Variants in ANXA2 observed in about 807,000 individuals in gnomAD.
The protein encoded by ANXA2 is annexin A2.
Under a neutral mutation model 47.3 loss-of-function variants are expected in ANXA2, and 28 were observed. The observed-to-expected ratio is 0.59, with a 90% CI of 0.44 to 0.81. The LOEUF is 0.81. ANXA2 is among the 40% of genes least tolerant of loss of function. The probability of loss-of-function intolerance (pLI) is 0.00; values close to 1 mark genes in which losing one functional copy is unlikely to be tolerated. For synonymous variants in ANXA2, 172 were observed against 155.5 expected (o/e 1.11, Z -0.79); for missense variants, 384 against 414.3 (o/e 0.93, Z 0.64).
At position 60,347,688 on chromosome 15, in the gene ANXA2, T is replaced by G; in HGVS notation, c.962A>C (p.Gln321Pro). 1 of 1,614,136 alleles carries G rather than the reference T, an allele frequency of 6.2e-7. No individual in the cohort carries two copies. The highest frequency in any genetic ancestry group is 8.5e-7 in the Non-Finnish European group (1 of 1,179,990). The change falls in exon 13 of 13, where the codon CAA becomes CCA. Residue 321 changes from glutamine to proline, a missense_variant and splice_region_variant. By Grantham distance (76) the Gln-to-Pro change is moderately conservative. Coordinates refer to ENST00000451270, the MANE Select transcript of ANXA2 (RefSeq NM_004039.3). ...TTTCTGGTAGTCGCCCTTAGTGTCT[T>G]GCTACAATGGCCCAGGAAAGAAAAG... Reference protein sequence around the residue: ...YGKSLYYYIQQDTKGDYQKAL... With the variant: ...YGKSLYYYIQPDTKGDYQKAL...
chr15:60,366,664 G>C (rs1314414256), intron 3 of ANXA2, among the ~76,000 whole-genome samples: 1 of 145,194 alleles, frequency 6.9e-6, no homozygotes, highest in Non-Finnish European at 1.5e-5. Context: ...CACCCCGTCC[G>C]GGAGGGAGGT....
intron 3 of ANXA2, among the ~76,000 whole-genome samples, chr15:60,370,443 A>G (rs1038244917): frequency 2.6e-5 from 4 of 152,242 alleles, no homozygotes; most frequent in African/African-American, 9.6e-5. Context: ...AATACCAAAT[A>G]CATGCATCTG....
chr15:60,397,959 G>A lies in ANXA2; in HGVS notation c.-28C>T, dbSNP rs530938351. The A allele has an allele frequency of 1.6e-6, 2 of 1,271,636 alleles. No individual in the cohort carries two copies. Among genetic ancestry groups the A allele is most frequent in the Non-Finnish European group, 2.0e-6 (2 of 1,006,252 alleles). The allele number at this position is 1,271,636 out of a possible 1,614,324, so 78.8% of individuals were successfully genotyped here. On this transcript the variant is annotated 5_prime_UTR_variant, in exon 1 of 13. Transcript: ENST00000451270. ...CCCGCTTACCTGGGCCGTGCGCCGA[G>A]AGCTGAGAGCGTCCCCAAATGCTGA...
intron 3 of ANXA2, among the ~76,000 whole-genome samples, chr15:60,366,393 G>A (rs1436740332): frequency 1.3e-5 from 2 of 150,240 alleles, no homozygotes; most frequent in Admixed American, 6.6e-5. Context: ...TCCCATCTAG[G>A]AAGTGAGGAG....
At chr15:60,367,393 C>CA (rs1555401298) in intron 3 of ANXA2, among the ~76,000 whole-genome samples, 1 of 7,390 alleles carries the variant, frequency 1.4e-4, no homozygotes, top group Non-Finnish European at 2.3e-4. Context: ...GGGAGGGAGG[C>CA]GGGGGGGGGT....
chr15:60,354,619 C>CTAA (rs2062398070), intron 7 of ANXA2, among the ~76,000 whole-genome samples: 1 of 109,294 alleles, frequency 9.1e-6, no homozygotes, highest in African/African-American at 3.7e-5. Context: ...GACTCTGTCT[C>CTAA]AAAAAAAAAA....
chr15:60,365,851 C>CCTCCCT (rs2062588632), intron 3 of ANXA2, among the ~76,000 whole-genome samples: 1 of 77,524 alleles, frequency 1.3e-5, no homozygotes, highest in African/African-American at 6.0e-5. Flanking sequence ...TCCCTCTCCC[C>CCTCCCT]CTCCCCCTCC....
At chr15:60,382,225 T>C (rs1366747152) in intron 3 of ANXA2, 117 bp downstream of exon 3, 1 of 735,256 alleles carries the variant, frequency 1.4e-6, no homozygotes, top group African/African-American at 1.7e-5. Context: ...ATCTACTCCA[T>C]TAAAGCTCGA....
intron 5 of ANXA2, among the ~76,000 whole-genome samples, chr15:60,360,329 C>G (rs1372330515): frequency 6.6e-6 from 1 of 152,166 alleles, no homozygotes; most frequent in Non-Finnish European, 1.5e-5. Context: ...TTCCAATCTA[C>G]AGTTTTTACT....
Position 60,357,771 on chromosome 15 carries a change from A to G in ANXA2, c.358-535T>C, listed in dbSNP as rs187669855. Among the ~76,000 whole-genome samples, 905 of 151,846 alleles carry G rather than the reference A, an allele frequency of 6.0e-3. 3 individuals carry two copies. The highest frequency in any genetic ancestry group is 8.3e-3 in the Non-Finnish European group (566 of 67,934). ...ATCGCGCCACTGCACTCCAGCCTGG[A>G]CGACAGAGTAAGACCCCATCTCAAA... On this transcript the variant is annotated intron_variant, in intron 5 of 12. Transcript: ENST00000451270.
At chr15:60,379,009 G>A (rs1453673572) in intron 3 of ANXA2, among the ~76,000 whole-genome samples, 9 of 151,230 alleles carry the variant, frequency 6.0e-5, no homozygotes, top group East Asian at 2.0e-4. Flanking sequence ...GGCCAGGCGC[G>A]GTGGCTCACG....
At position 60,357,203 on chromosome 15, in the gene ANXA2, T is replaced by C. The variant is rs1566933003; in HGVS notation, c.391A>G (p.Ile131Val). The C allele has an allele frequency of 4.3e-6, 7 of 1,614,202 alleles. No individual in the cohort carries two copies. The highest frequency in any genetic ancestry group is 5.9e-6 in the Non-Finnish European group (7 of 1,180,032). Residue 131 changes from isoleucine to valine, a missense_variant, in exon 6 of 13, where the codon ATC becomes GTC. Transcript: ENST00000451270. ...LGTDEDSLIE[I>V]ICSRTNQELQ... ...TCCTGGTTGGTTCTGGAGCAGATGA[T>C]CTCAATGAGAGAGTCCTCGTCGGTT...
At chr15:60,361,838 G>C (rs1381794227) in intron 4 of ANXA2, among the ~76,000 whole-genome samples, 2 of 151,666 alleles carry the variant, frequency 1.3e-5, no homozygotes, top group Non-Finnish European at 2.9e-5. Flanking sequence ...ATGCTTCCTC[G>C]AGCTAAACTT....
chr15:60,361,860 T>C (rs1239787149), intron 4 of ANXA2, among the ~76,000 whole-genome samples: 6 of 152,044 alleles, frequency 3.9e-5, no homozygotes, highest in Admixed American at 2.6e-4. Context: ...CTACAAATCA[T>C]GGCTGATGAC....
At chr15:60,349,271 T>C (rs897848930) in intron 11 of ANXA2, 74 bp from the exon 12 acceptor site, 2 of 1,534,508 alleles carry the variant, frequency 1.3e-6, no homozygotes, top group Admixed American at 3.6e-5. Context: ...AGGTTGAGCA[T>C]CCCTGATCTG....
At chr15:60,371,939 C>A (rs2062716174) in intron 3 of ANXA2, among the ~76,000 whole-genome samples, 1 of 152,110 alleles carries the variant, frequency 6.6e-6, no homozygotes, top group South Asian at 2.1e-4. Context: ...ACCACGAGGT[C>A]AGGAGTTTGA....
chr15:60,354,597 G>C (rs1449174854), intron 7 of ANXA2, among the ~76,000 whole-genome samples: 1 of 135,666 alleles, frequency 7.4e-6, no homozygotes, highest in Non-Finnish European at 1.5e-5. Context: ...TCCAACCCTG[G>C]TGACAGAGTG....
chr15:60,373,102 A>T (rs2062731755), intron 3 of ANXA2, among the ~76,000 whole-genome samples: 1 of 152,086 alleles, frequency 6.6e-6, no homozygotes, highest in Non-Finnish European at 1.5e-5. Context: ...TTTTAAAATT[A>T]TACTTTGATA....
chr15:60,368,308 T>TAAAA (rs147990822), intron 3 of ANXA2, among the ~76,000 whole-genome samples: 2,359 of 134,900 alleles, frequency 0.017, 28 homozygotes, highest in African/African-American at 0.032. Context: ...GAATGATCAA[T>TAAAA]AAAAAAAAAA....
Sources: gnomAD v4.1 joint callset for allele counts (sites outside exome capture counted in the v4.1 genomes callset) on GRCh38, gnomAD v4.1.1 for gene constraint, MANE v1.5 for transcripts, NCBI Gene and HGNC (gene_info 2026-07-23, HGNC 2026-07-21) for gene names.